Variants in ARHGAP26 observed in about 807,000 individuals in gnomAD.
The protein encoded by ARHGAP26 is rho GTPase-activating protein 26.
ARHGAP26 carries 38 observed loss-of-function variants against 104.8 expected under a neutral mutation model. The observed-to-expected ratio is 0.36, with a 90% CI of 0.28 to 0.48. The LOEUF (loss-of-function observed/expected upper bound fraction) is 0.48. ARHGAP26 is among the 20% of genes least tolerant of loss of function. The pLI is 0.99. For synonymous variants in ARHGAP26, 341 were observed against 340.0 expected, an observed-to-expected ratio of 1.00 and a Z score of -0.03; for missense variants, 704 against 947.9, an observed-to-expected ratio of 0.74 and a Z score of 3.38.
chr5:142,861,512 G>A (rs1421155257), intron 1 of ARHGAP26, among the ~76,000 whole-genome samples: 1 of 152,156 alleles, frequency 6.6e-6, no homozygotes, highest in Middle Eastern at 3.2e-3. Context: ...CAGGGATCAG[G>A]TGGATTCAGT....
At chr5:142,937,306 C>T (rs1765569646) in intron 11 of ARHGAP26, among the ~76,000 whole-genome samples, 1 of 152,114 alleles carries the variant, frequency 6.6e-6, no homozygotes, top group Non-Finnish European at 1.5e-5. Flanking sequence ...AAAAGATGTT[C>T]AATATCATTA....
intron 12 of ARHGAP26, among the ~76,000 whole-genome samples, chr5:143,033,530 A>G (rs1433334927): frequency 1.3e-5 from 2 of 152,186 alleles, no homozygotes; most frequent in African/African-American, 4.8e-5. Context: ...TATGTCCACT[A>G]ATTGGGCTGA....
intron 1 of ARHGAP26, among the ~76,000 whole-genome samples, chr5:142,844,607 GTA>G (rs1771541467): frequency 6.6e-6 from 1 of 151,864 alleles, no homozygotes; most frequent in Non-Finnish European, 1.5e-5. Flanking sequence ...GCTCACGTCT[GTA>G]ATCCCAGCAG....
At chr5:143,203,384 G>T (rs1338995124) in intron 20 of ARHGAP26, 1 of 152,202 alleles carries the variant, frequency 6.6e-6, no homozygotes, top group South Asian at 2.1e-4. Context: ...ACCATCTCAT[G>T]CCAGTTAGAA....
intron 10 of ARHGAP26, chr5:142,921,845 G>T (rs1439219815): frequency 1.3e-5 from 2 of 152,222 alleles, no homozygotes. Flanking sequence ...GGAGTCCTAT[G>T]TCTGAAAACA....
intron 19 of ARHGAP26, among the ~76,000 whole-genome samples, chr5:143,143,002 G>C (rs1244910652): frequency 2.0e-5 from 3 of 151,904 alleles, no homozygotes; most frequent in African/African-American, 7.3e-5. Flanking sequence ...TTTTCTCCTT[G>C]TTTGATCATG....
chr5:142,786,108 C>T (rs1267508811), intron 1 of ARHGAP26, among the ~76,000 whole-genome samples: 2 of 151,764 alleles, frequency 1.3e-5, no homozygotes, highest in African/African-American at 2.4e-5. Flanking sequence ...GTAGCCAGAA[C>T]TACTGGCTTT....
At chr5:142,840,721 G>C (rs1597857343) in intron 1 of ARHGAP26, among the ~76,000 whole-genome samples, 2 of 152,284 alleles carry the variant, frequency 1.3e-5, no homozygotes, top group East Asian at 3.9e-4. Context: ...TGAGGTCCTG[G>C]TGTGTGTACT....
At chr5:143,177,794 G>A (rs780641767) in intron 20 of ARHGAP26, among the ~76,000 whole-genome samples, 3 of 152,040 alleles carry the variant, frequency 2.0e-5, no homozygotes, top group Non-Finnish European at 2.9e-5. Context: ...AAGCTGTAAC[G>A]TAGGTCAGGC....
chr5:142,892,795 C>G (rs548387390), intron 5 of ARHGAP26, among the ~76,000 whole-genome samples: 1 of 151,948 alleles, frequency 6.6e-6, no homozygotes, highest in Non-Finnish European at 1.5e-5. Flanking sequence ...TCAGTCACCT[C>G]GAACATTTAT....
At chr5:143,173,176 C>A (rs1302453647) in intron 20 of ARHGAP26, 1 of 165,150 alleles carries the variant, frequency 6.1e-6, no homozygotes, top group Admixed American at 6.4e-5. Flanking sequence ...AAAAGTTACC[C>A]ATGGGAAGAT....
chr5:142,826,724 A>G (rs1391868524), intron 1 of ARHGAP26, among the ~76,000 whole-genome samples: 5 of 152,106 alleles, frequency 3.3e-5, no homozygotes, highest in South Asian at 2.1e-4. Flanking sequence ...GGTGCGATCT[A>G]GTTTTCAGCC....
intron 11 of ARHGAP26, among the ~76,000 whole-genome samples, chr5:142,943,292 C>T (rs1471710277): frequency 6.6e-6 from 1 of 152,222 alleles, no homozygotes; most frequent in Non-Finnish European, 1.5e-5. Flanking sequence ...TTAATCCATT[C>T]AGGCTGCTAT....
chr5:142,955,267 C>A (rs1193855469), intron 11 of ARHGAP26, among the ~76,000 whole-genome samples: 1 of 151,942 alleles, frequency 6.6e-6, no homozygotes, highest in African/African-American at 2.4e-5. Flanking sequence ...TACCACTGCT[C>A]TCCAGACTGG....
At chr5:142,779,293 G>A (rs896217879) in intron 1 of ARHGAP26, among the ~76,000 whole-genome samples, 3 of 152,188 alleles carry the variant, frequency 2.0e-5, no homozygotes, top group African/African-American at 4.8e-5. Flanking sequence ...TGTGGGCCAC[G>A]AGCTGTCATG....
chr5:142,879,019 G>A (rs1756541249), intron 3 of ARHGAP26, among the ~76,000 whole-genome samples: 1 of 151,866 alleles, frequency 6.6e-6, no homozygotes, highest in Non-Finnish European at 1.5e-5. Context: ...CCATAACTTG[G>A]GTAAATGAAT....
intron 1 of ARHGAP26, among the ~76,000 whole-genome samples, chr5:142,780,730 A>G (rs775656353): frequency 1.9e-4 from 29 of 152,214 alleles, no homozygotes; most frequent in Non-Finnish European, 2.8e-4. Context: ...TGCGTGTAAC[A>G]TTCAGGAGAT....
At position 142,863,064 on chromosome 5, in the gene ARHGAP26, T is replaced by C. The variant is rs553956677; in HGVS notation, c.155-10336T>C. Reference sequence around the variant, plus strand: ...AGAAAAGATACTTTGGGAGGGATCTTAGAGCTACGGAAAGGGGTTGGCTCC... The same window carrying C: ...AGAAAAGATACTTTGGGAGGGATCTCAGAGCTACGGAAAGGGGTTGGCTCC... On this transcript the variant is annotated intron_variant, in intron 1 of 22. Coordinates refer to ENST00000645722, the MANE Select transcript of ARHGAP26 (RefSeq NM_001135608.3). Among the ~76,000 whole-genome samples, 127 of 151,724 alleles carry C rather than the reference T, an allele frequency of 8.4e-4. 1 individual carries two copies. Among genetic ancestry groups the C allele is most frequent in the African/African-American group, 2.8e-3 (117 of 41,410 alleles).
At chr5:143,199,681 C>T (rs1488154777) in intron 20 of ARHGAP26, among the ~76,000 whole-genome samples, 1 of 152,142 alleles carries the variant, frequency 6.6e-6, no homozygotes, top group South Asian at 2.1e-4. Flanking sequence ...GCCGGTGATC[C>T]GAGGCTCAGC....
Sources: allele counts gnomAD v4.1 joint callset (sites outside exome capture counted in the v4.1 genomes callset), GRCh38; gene constraint gnomAD v4.1.1; transcripts MANE v1.5; gene names NCBI Gene and HGNC (gene_info 2026-07-23, HGNC 2026-07-21).